EPAS1: variants seen among roughly 807,000 people sequenced by gnomAD.
The protein encoded by EPAS1 is endothelial PAS domain protein 1, also known as endothelial PAS domain-containing protein 1.
EPAS1 carries 23 observed loss-of-function variants against 87.9 expected under a neutral mutation model. That is an observed-to-expected ratio of 0.26 (90% confidence interval 0.19 to 0.37). EPAS1 has a LOEUF of 0.37. EPAS1 is among the 10% of genes least tolerant of loss of function. The pLI, the probability that EPAS1 is intolerant of heterozygous loss-of-function variation, is 1.00. For synonymous variants in EPAS1, 508 were observed against 444.3 expected (o/e 1.14, Z -1.80); for missense variants, 1,138 against 1,120.7 (o/e 1.02, Z -0.22).
chr2:46,340,330 C>A (rs375720754), intron 1 of EPAS1, among the ~76,000 whole-genome samples: 50 of 152,296 alleles, frequency 3.3e-4, no homozygotes, highest in African/African-American at 1.2e-3. Flanking sequence ...GCAGTCCAGG[C>A]CCTCTGCTCC....
In EPAS1 at chr2:46,386,333, C is replaced by G. The variant is rs1485393802; in HGVS notation, c.*1673C>G. 2 of 152,552 alleles carry G rather than the reference C, an allele frequency of 1.3e-5. No individual in the cohort carries two copies. Among genetic ancestry groups the G allele is most frequent in the Non-Finnish European group, 2.9e-5 (2 of 68,030 alleles). The allele number at this position is 152,552 out of a possible 1,614,324, so 9.4% of individuals were successfully genotyped here. On this transcript the variant is annotated 3_prime_UTR_variant, in exon 16 of 16. Coordinates refer to ENST00000263734, the MANE Select transcript of EPAS1 (RefSeq NM_001430.5). The stretch of plus-strand genomic sequence containing the variant: ...ACTTATTGCCAAAAACAAAAAATAG[C>G]TTTCAAAAGAAATTTAAGTTCTATG...
At position 46,325,948 on chromosome 2, in the gene EPAS1, C is replaced by T. The variant is rs17034984; in HGVS notation, c.27-20925C>T. On this transcript the variant is annotated intron_variant, in intron 1 of 15. Coordinates refer to ENST00000263734, the MANE Select transcript of EPAS1 (RefSeq NM_001430.5). ...GAAAGTAGCTAAGCTGTAGTGATCA[C>T]TTCCTGCAAAGAAAACCATAATTAT... 1.7e-3 allele frequency among the ~76,000 whole-genome samples: 264 copies of T among 152,304 alleles called. 3 individuals carry two copies. The East Asian group carries it at 0.044, about 25-fold the overall frequency.
At chr2:46,304,569 T>A (rs1373613031) in intron 1 of EPAS1, among the ~76,000 whole-genome samples, 1 of 152,186 alleles carries the variant, frequency 6.6e-6, no homozygotes, top group Non-Finnish European at 1.5e-5. Flanking sequence ...AGATAGGGAT[T>A]GAAGATCTGA....
rs79419896 is a variant in EPAS1, at chr2:46,307,046, C to A, written c.26+9109C>A. Among the ~76,000 whole-genome samples, 249 of 152,314 alleles carry A rather than the reference C, an allele frequency of 1.6e-3. 1 individual carries two copies. The highest frequency in any genetic ancestry group is 5.8e-3 in the African/African-American group (241 of 41,560). ...GAGTAAATCCTCATAATGCCCCTTT[C>A]CTGTGTATTTAGTTAAAAAAGCACT... On this transcript the variant is annotated intron_variant, in intron 1 of 15. Transcript: ENST00000263734.
At chr2:46,320,353 T>C (rs1683429801) in intron 1 of EPAS1, among the ~76,000 whole-genome samples, 1 of 152,214 alleles carries the variant, frequency 6.6e-6, no homozygotes, top group Non-Finnish European at 1.5e-5. Flanking sequence ...TAATTGGTCC[T>C]GGGAATTGTT....
Position 46,385,690 on chromosome 2 carries a change from T to G in EPAS1, c.*1030T>G, listed in dbSNP as rs1310698930. On this transcript the variant is annotated 3_prime_UTR_variant, in exon 16 of 16. Coordinates refer to ENST00000263734, the MANE Select transcript of EPAS1 (RefSeq NM_001430.5). ...CCCCTCACATTCTCTATGTACTATG[T>G]ATGTATGTATTATTATTATTGCTGC... 1 of 150,928 alleles carries G rather than the reference T, an allele frequency of 6.6e-6. No homozygotes were observed. Among genetic ancestry groups the G allele is most frequent in the African/African-American group, 2.5e-5 (1 of 40,690 alleles). The allele number at this position is 150,928 out of a possible 1,614,324, so 9.3% of individuals were successfully genotyped here. A position where few individuals can be genotyped will look rare whatever the true frequency, so the allele number is the denominator to read the frequency against.
chr2:46,323,579 G>C (rs4952819), intron 1 of EPAS1, among the ~76,000 whole-genome samples: 62,120 of 152,092 alleles, frequency 0.41, 13,917 homozygotes, highest in East Asian at 0.65. Context: ...GTAACCCTGA[G>C]AGCAGACTGG....
intron 1 of EPAS1, among the ~76,000 whole-genome samples, chr2:46,312,255 T>C (rs2104842713): frequency 6.6e-6 from 1 of 152,294 alleles, no homozygotes; most frequent in Non-Finnish European, 1.5e-5. Flanking sequence ...AAAGCCTACC[T>C]CCACATGGGG....
At chr2:46,379,862 G>A (rs540266399) in intron 11 of EPAS1, 2 of 378,738 alleles carry the variant, frequency 5.3e-6, no homozygotes, top group African/African-American at 4.1e-5. Flanking sequence ...CCTAAGCATT[G>A]TAGGACAAGG....
At chr2:46,332,099 A>C (rs7569138) in intron 1 of EPAS1, among the ~76,000 whole-genome samples, 4,876 of 152,274 alleles carry the variant, frequency 0.032, 243 homozygotes, top group African/African-American at 0.11. Flanking sequence ...AGCATCGCAC[A>C]GAAACCAACC....
intron 6 of EPAS1, among the ~76,000 whole-genome samples, chr2:46,362,567 A>G (rs1399324495): frequency 2.6e-5 from 4 of 152,152 alleles, no homozygotes; most frequent in Non-Finnish European, 5.9e-5. Flanking sequence ...CAGGAAAAAA[A>G]GCTCCTGCTC....
At position 46,347,370 on chromosome 2, in the gene EPAS1, G is replaced by T. The variant is rs1053390862; in HGVS notation, c.217+307G>T. 1 of 457,876 alleles carries T rather than the reference G, an allele frequency of 2.2e-6. No individual in the cohort carries two copies. Among genetic ancestry groups the T allele is most frequent in the African/African-American group, 2.0e-5 (1 of 50,458 alleles). 28.4% of individuals were successfully genotyped at this position (457,876 alleles called of 1,614,324 possible). On this transcript the variant is annotated intron_variant, in intron 2 of 15. Transcript: ENST00000263734. The surrounding 1 kb of genome is among the most constrained non-coding windows in gnomAD (Gnocchi z 4.2). ...ACGGCTTTTGCTGACTTCTCAATTT[G>T]TTGCCATCTGGCCATAAGACCCATC...
At chr2:46,345,207 T>A (rs1168906613) in intron 1 of EPAS1, among the ~76,000 whole-genome samples, 1 of 152,202 alleles carries the variant, frequency 6.6e-6, no homozygotes, top group Admixed American at 6.5e-5. Flanking sequence ...CTTGAACTCC[T>A]GGGCCCAGGT....
rs150366618 is a variant in EPAS1, at chr2:46,376,445, G to A, written c.1035-94G>A. 616 of 1,261,644 alleles carry A rather than the reference G, an allele frequency of 4.9e-4. 1 individual carries two copies. In the African/African-American group the frequency reaches 6.1e-3, roughly 12 times the overall value. The allele number at this position is 1,261,644 out of a possible 1,614,324, so 78.2% of individuals were successfully genotyped here. ...CCTGGAGTCCTACCCATTTTTTGTC[G>A]GAGAGCTTAGCTATGAGGGTTTCCA... On this transcript the variant is annotated intron_variant, in intron 8 of 15. Coordinates refer to ENST00000263734, the MANE Select transcript of EPAS1 (RefSeq NM_001430.5).
chr2:46,336,045 A>T (rs1432185098), intron 1 of EPAS1: 1 of 152,158 alleles, frequency 6.6e-6, no homozygotes, highest in African/African-American at 2.4e-5. Context: ...AGGGAAGAGG[A>T]GCTGCAGAGA....
chr2:46,361,667 G>C (rs1684389920), intron 6 of EPAS1, among the ~76,000 whole-genome samples: 1 of 152,228 alleles, frequency 6.6e-6, no homozygotes, highest in South Asian at 2.1e-4. Flanking sequence ...GTGATTAAGA[G>C]CATGGGCTTC....
At chr2:46,306,918 A>G (rs757534561) in intron 1 of EPAS1, among the ~76,000 whole-genome samples, 15 of 152,230 alleles carry the variant, frequency 9.9e-5, no homozygotes, top group African/African-American at 3.6e-4. Context: ...AACTCTCTTT[A>G]TGAACATTAC....
At position 46,376,535 on chromosome 2, in the gene EPAS1, T is replaced by C. The variant is rs993295772; in HGVS notation, c.1035-4T>C. On this transcript the variant is annotated splice_region_variant and splice_polypyrimidine_tract_variant and intron_variant, in intron 8 of 15. Transcript: ENST00000263734. Reference sequence around the variant, plus strand: ...AGTCTGAATGGCTCTTTCCCCCCCATTAGTGAGATTGAGAAGAATGACGTG... The same window carrying C: ...AGTCTGAATGGCTCTTTCCCCCCCACTAGTGAGATTGAGAAGAATGACGTG... The C allele has an allele frequency of 6.8e-6, 11 of 1,613,712 alleles. No individual in the cohort carries two copies. Among genetic ancestry groups the C allele is most frequent in the African/African-American group, 1.3e-5 (1 of 74,890 alleles).
At position 46,382,212 on chromosome 2, in the gene EPAS1, T is replaced by G. The variant is rs113371863; in HGVS notation, c.2287+123T>G. ...CCTGCCTCTCTGAGCCTTGTTAGAA[T>G]GGGGCGATGTCCTCTGTCTCTCCCG... On this transcript the variant is annotated intron_variant, in intron 14 of 15. Transcript: ENST00000263734. 1.9e-4 allele frequency: 210 copies of G among 1,077,480 alleles called. No homozygotes were observed. The African/African-American group carries it at 2.7e-3, about 14-fold the overall frequency. The allele number at this position is 1,077,480 out of a possible 1,614,324, so 66.7% of individuals were successfully genotyped here.
Sources: gnomAD v4.1 joint callset for allele counts (sites outside exome capture counted in the v4.1 genomes callset) on GRCh38, gnomAD v4.1.1 for gene constraint, Gnocchi (gnomAD v3.1) non-coding constraint, MANE v1.5 for transcripts, NCBI Gene and HGNC (gene_info 2026-07-23, HGNC 2026-07-21) for gene names.